The following SMARCC1 variants were observed in gnomAD, a reference collection of about 807,000 sequenced individuals.
The protein encoded by SMARCC1 is SWI/SNF complex subunit SMARCC1.
SMARCC1 carries 43 observed loss-of-function variants against 147.4 expected under a neutral mutation model. The observed-to-expected ratio is 0.29, with a 90% CI of 0.23 to 0.38. The LOEUF (loss-of-function observed/expected upper bound fraction) is 0.38, where lower values mean the gene tolerates loss of function less well. Among genes scored for constraint, SMARCC1 ranks in the 10% least tolerant of loss-of-function variants. SMARCC1 has a pLI of 1.00. For missense variants in SMARCC1, 1,119 were observed against 1,381.1 expected, an observed-to-expected ratio of 0.81 and a Z score of 3.01; for synonymous variants, 495 against 484.4, an observed-to-expected ratio of 1.02 and a Z score of -0.29.
intron 21 of SMARCC1, among the ~76,000 whole-genome samples, chr3:47,647,146 C>T (rs568485300): frequency 8.5e-5 from 13 of 152,300 alleles, no homozygotes; most frequent in African/African-American, 2.9e-4. Context: ...AGAATGCACT[C>T]GTGAATTCTT....
intron 2 of SMARCC1, among the ~76,000 whole-genome samples, chr3:47,768,553 T>C (rs1296452615): frequency 6.6e-6 from 1 of 152,228 alleles, no homozygotes; most frequent in African/African-American, 2.4e-5. Flanking sequence ...AAATACTTTA[T>C]ATAATGTAAT....
chr3:47,708,077 T>TTTTTTCTTTTTTTC (rs1282628863), intron 9 of SMARCC1, among the ~76,000 whole-genome samples: 3 of 86,476 alleles, frequency 3.5e-5, no homozygotes, highest in Non-Finnish European at 4.8e-5. Flanking sequence ...AAGTTGAATT[T>TTTTTTCTTTTTTTC]TTTTTCTTTT....
chr3:47,614,760 T>C (rs916050333), intron 25 of SMARCC1, among the ~76,000 whole-genome samples: 2 of 152,184 alleles, frequency 1.3e-5, no homozygotes, highest in Admixed American at 6.5e-5. Flanking sequence ...TCTAACACAG[T>C]AGACAGAGTG....
intron 2 of SMARCC1, among the ~76,000 whole-genome samples, chr3:47,764,880 T>C (rs1412287947): frequency 1.3e-5 from 2 of 152,188 alleles, no homozygotes; most frequent in Non-Finnish European, 2.9e-5. Flanking sequence ...ATGAGTTCAT[T>C]AGTACAAAAT....
chr3:47,597,167 A>G (rs575032615), intron 26 of SMARCC1, among the ~76,000 whole-genome samples: 1,952 of 150,024 alleles, frequency 0.013, 43 homozygotes, highest in Non-Finnish European at 0.015. Flanking sequence ...AAAAAAAAAA[A>G]AGAGAGAGAG....
chr3:47,639,461 C>A (rs576929382), intron 21 of SMARCC1, among the ~76,000 whole-genome samples: 2 of 152,256 alleles, frequency 1.3e-5, no homozygotes, highest in East Asian at 3.9e-4. Flanking sequence ...TGCCTGTAAT[C>A]CCAGCACTTT....
At chr3:47,749,039 T>G (rs1414282562) in intron 2 of SMARCC1, among the ~76,000 whole-genome samples, 3 of 151,540 alleles carry the variant, frequency 2.0e-5, no homozygotes, top group Non-Finnish European at 4.4e-5. Flanking sequence ...AAATAAAGAG[T>G]ATCCTGTAAT....
intron 26 of SMARCC1, among the ~76,000 whole-genome samples, chr3:47,598,684 G>C (rs2032337181): frequency 6.6e-6 from 1 of 151,886 alleles, no homozygotes; most frequent in Non-Finnish European, 1.5e-5. Flanking sequence ...ATAAAAATCA[G>C]CTGTGTGTGG....
At chr3:47,617,832 T>C (rs1359011312) in intron 25 of SMARCC1, among the ~76,000 whole-genome samples, 1 of 152,214 alleles carries the variant, frequency 6.6e-6, no homozygotes, top group Non-Finnish European at 1.5e-5. Context: ...ACTATTCACC[T>C]AACCCAGATC....
intron 5 of SMARCC1, among the ~76,000 whole-genome samples, chr3:47,733,259 A>G (rs1459147321): frequency 6.6e-6 from 1 of 152,128 alleles, no homozygotes; most frequent in East Asian, 1.9e-4. Context: ...CCTTCCATTT[A>G]AAAAAAGGAG....
chr3:47,728,959 G>C, intron 6 of SMARCC1, 66 bp downstream of exon 6: 1 of 965,596 alleles, frequency 1.0e-6, no homozygotes. Context: ...GTCTTTGGGG[G>C]TATGACATAA....
chr3:47,616,479 A>G (rs1288346661), intron 25 of SMARCC1, among the ~76,000 whole-genome samples: 1 of 151,504 alleles, frequency 6.6e-6, no homozygotes, highest in Non-Finnish European at 1.5e-5. Context: ...GAGTTTCGCT[A>G]TTGTCACCCA....
intron 26 of SMARCC1, among the ~76,000 whole-genome samples, chr3:47,601,971 A>AT (rs2032394116): frequency 1.3e-5 from 2 of 151,978 alleles, no homozygotes; most frequent in South Asian, 2.1e-4. Flanking sequence ...AAGTGCTAGG[A>AT]TTACAGGCAT....
intron 2 of SMARCC1, among the ~76,000 whole-genome samples, chr3:47,760,076 G>A (rs1455384498): frequency 6.6e-6 from 1 of 152,166 alleles, no homozygotes; most frequent in Non-Finnish European, 1.5e-5. Context: ...CACTCTGGGA[G>A]GCCGAGACGG....
chr3:47,774,522 G>A (rs375006897), intron 1 of SMARCC1, among the ~76,000 whole-genome samples: 3 of 151,902 alleles, frequency 2.0e-5, no homozygotes, highest in Admixed American at 1.3e-4. Context: ...GGTTCACATC[G>A]TTCTCCTGCC....
In SMARCC1 at chr3:47,684,250, A is replaced by G. The variant is rs1471246233; in HGVS notation, c.1385+1799T>C. On this transcript the variant is annotated intron_variant, in intron 14 of 27. Transcript: ENST00000254480. ...GCGAGACTCCGTCTCAAAAAAAAAA[A>G]AAAAAAAAAGACAGTACTCCAGTTA... Among the ~76,000 whole-genome samples, 7 of 151,834 alleles carry G rather than the reference A, an allele frequency of 4.6e-5. No individual in the cohort carries two copies. The East Asian group carries it at 1.4e-3, about 30-fold the overall frequency.
intron 6 of SMARCC1, among the ~76,000 whole-genome samples, chr3:47,723,440 A>T (rs2034260297): frequency 6.9e-6 from 1 of 144,080 alleles, no homozygotes. Flanking sequence ...AGCTCACTGC[A>T]ACCAGCCAGG....
intron 11 of SMARCC1, among the ~76,000 whole-genome samples, chr3:47,694,358 T>A (rs931000278): frequency 6.6e-6 from 1 of 152,136 alleles, no homozygotes; most frequent in African/African-American, 2.4e-5. Flanking sequence ...CCCAGCACTT[T>A]GGGAGGTTGA....
At chr3:47,733,408 T>C (rs1576425551) in intron 5 of SMARCC1, among the ~76,000 whole-genome samples, 1 of 150,696 alleles carries the variant, frequency 6.6e-6, no homozygotes, top group Non-Finnish European at 1.5e-5. Flanking sequence ...ACCCTGTCTC[T>C]TCAAAAATAA....
Sources: gnomAD v4.1 joint callset for allele counts (sites outside exome capture counted in the v4.1 genomes callset) on GRCh38, gnomAD v4.1.1 for gene constraint, MANE v1.5 for transcripts, NCBI Gene and HGNC (gene_info 2026-07-23, HGNC 2026-07-21) for gene names.